The following GPR143 variants were observed in gnomAD, a reference collection of about 807,000 sequenced individuals.
The protein encoded by GPR143 is G protein-coupled receptor 143.
GPR143 carries 8 observed loss-of-function variants against 27.6 expected under a neutral mutation model. The ratio of observed to expected loss-of-function variants is 0.29; its 90% CI spans 0.17 to 0.52. GPR143 has a LOEUF of 0.52. GPR143 is among the 20% of genes least tolerant of loss of function. The pLI, the probability that GPR143 is intolerant of heterozygous loss-of-function variation, is 0.96. For synonymous variants in GPR143, 156 were observed against 153.2 expected, an observed-to-expected ratio of 1.02 and a Z score of -0.13; for missense variants, 303 against 343.1, an observed-to-expected ratio of 0.88 and a Z score of 0.92.
chrX:9,769,411 G>T (rs1447396737), upstream of GPR143, among the ~76,000 whole-genome samples: 1 of 111,318 alleles, frequency 9.0e-6, no homozygotes, highest in Non-Finnish European at 1.9e-5. Context: ...ATTTTTCATG[G>T]TGAGTCCCCT....
At chrX:9,752,935 C>T (rs1032508576) in intron 3 of GPR143, among the ~76,000 whole-genome samples, 3 of 110,945 alleles carry the variant, frequency 2.7e-5, no homozygotes, top group African/African-American at 9.8e-5. Context: ...GGGTGAGAGA[C>T]GACAGAGGGA....
chrX:9,764,504 G>GCA (rs201690882), intron 1 of GPR143, among the ~76,000 whole-genome samples: 2,182 of 99,040 alleles, frequency 0.022, 29 homozygotes, highest in African/African-American at 0.041. Flanking sequence ...TTACACACGC[G>GCA]CACACACACA....
At chrX:9,765,904 A>G, upstream of GPR143, 1 of 918,939 alleles carries the variant, frequency 1.1e-6, no homozygotes, top group South Asian at 3.8e-5. Context: ...GGGCGGCATC[A>G]TGTGCCCTGG....
At chrX:9,750,101 G>C (rs1275664107) in intron 3 of GPR143, among the ~76,000 whole-genome samples, 1 of 112,157 alleles carries the variant, frequency 8.9e-6, no homozygotes, top group Non-Finnish European at 1.9e-5. Context: ...CCATTCCATT[G>C]TATACATGGG....
intron 3 of GPR143, among the ~76,000 whole-genome samples, chrX:9,753,353 G>A (rs1170083259): frequency 8.2e-5 from 8 of 97,467 alleles, no homozygotes; most frequent in Non-Finnish European, 1.6e-4. Context: ...GCAAGACTCC[G>A]TCTCAAAAAA....
chrX:9,737,812 A>G (rs754130253), intron 8 of GPR143, among the ~76,000 whole-genome samples: 2 of 112,031 alleles, frequency 1.8e-5, no homozygotes, highest in African/African-American at 6.5e-5. Flanking sequence ...CCTGGGCAAC[A>G]TAATGGGACC....
chrX:9,725,579 C>T lies in GPR143; in HGVS notation c.*167G>A. ...ACACGTGTGTGCATGAACCCTTTCT[C>T]CTATCCTAAAGGCCCTTCGGGAAGA... is the stretch of plus-strand genomic sequence containing the variant. On this transcript the variant is annotated 3_prime_UTR_variant, in exon 9 of 9. Transcript: ENST00000467482. The T allele has an allele frequency of 2.2e-6, 1 of 452,957 alleles. No homozygotes were observed. The highest frequency in any genetic ancestry group is 2.4e-5 in the African/African-American group (1 of 41,597). 37.3% of individuals were successfully genotyped at this position (452,957 alleles called of 1,213,427 possible). A position where few individuals can be genotyped will look rare whatever the true frequency, so the allele number is the denominator to read the frequency against.
chrX:9,775,594 G>A (rs1425783214), intron 1 of GPR143, among the ~76,000 whole-genome samples: 1 of 111,912 alleles, frequency 8.9e-6, no homozygotes, highest in African/African-American at 3.3e-5. Flanking sequence ...TGGTGGAGCT[G>A]AGAATCAAAC....
rs2083403076 is a variant in GPR143 at position 9,741,325 on chromosome X, T to C, written c.885+13A>G. On this transcript the variant is annotated intron_variant, in intron 7 of 8. Coordinates refer to ENST00000467482, the MANE Select transcript of GPR143 (RefSeq NM_000273.3). Reference sequence around the variant, plus strand: ...ATAATTAACTAATTAAAATAAAATATAGATTGACCTACCATAATAAACCAT... The same window carrying C: ...ATAATTAACTAATTAAAATAAAATACAGATTGACCTACCATAATAAACCAT... The C allele has an allele frequency of 1.5e-6, 1 of 677,132 alleles. No homozygotes were observed. Among genetic ancestry groups the C allele is most frequent in the East Asian group, 3.5e-5 (1 of 28,925 alleles). The allele number at this position is 677,132 out of a possible 1,213,427, so 55.8% of individuals were successfully genotyped here.
chrX:9,769,701 G>A (rs1301501820), upstream of GPR143, among the ~76,000 whole-genome samples: 1 of 110,560 alleles, frequency 9.0e-6, no homozygotes, highest in Non-Finnish European at 1.9e-5. Flanking sequence ...CCTGCCTCAG[G>A]CTCCCAAGTA....
intron 5 of GPR143, among the ~76,000 whole-genome samples, chrX:9,745,556 G>A (rs1430912757): frequency 4.5e-5 from 5 of 111,765 alleles, no homozygotes; most frequent in South Asian, 7.5e-4. Context: ...TGTTGCCAAC[G>A]ACTTCATTAC....
chrX:9,733,580 G>A (rs1360819461), intron 8 of GPR143, among the ~76,000 whole-genome samples: 1 of 111,681 alleles, frequency 9.0e-6, no homozygotes, highest in Non-Finnish European at 1.9e-5. Flanking sequence ...TTGTGGGAAA[G>A]ATTGGGATTG....
intron 1 of GPR143, among the ~76,000 whole-genome samples, chrX:9,761,332 G>C (rs902611780): frequency 3.6e-5 from 4 of 112,411 alleles, no homozygotes; most frequent in Non-Finnish European, 5.6e-5. Context: ...GACCTCAAGT[G>C]ATCTGTCCGC....
rs185752365 is a variant in GPR143, at chrX:9,761,083, A to T, written c.251-257T>A. On this transcript the variant is annotated intron_variant, in intron 1 of 8. Transcript: ENST00000467482. ...GAAACTCATAAAATAACTTTTTTTT[A>T]TTTTTATTTTTTATTTATCTTTTTT... Among the ~76,000 whole-genome samples the T allele has an allele frequency of 6.8e-3, 751 of 110,942 alleles. 7 individuals carry two copies. The highest frequency in any genetic ancestry group is 0.016 in the East Asian group (58 of 3,544).
chrX:9,775,718 C>T (rs777538375), intron 1 of GPR143, among the ~76,000 whole-genome samples: 18 of 111,901 alleles, frequency 1.6e-4, no homozygotes, highest in African/African-American at 5.8e-4. Context: ...TCTCACCCCA[C>T]CCTCTTGAAG....
At chrX:9,766,022 G>T, upstream of GPR143, 2 of 303,342 alleles carry the variant, frequency 6.6e-6, no homozygotes, top group East Asian at 1.0e-4. Context: ...GCTTGGGCGG[G>T]CGGAGGAGGA....
intron 7 of GPR143, among the ~76,000 whole-genome samples, chrX:9,740,590 C>G (rs1251267106): frequency 1.8e-5 from 2 of 111,009 alleles, no homozygotes. Context: ...ATTGTTTCCC[C>G]GTTGAAAAAA....
chrX:9,765,479 C>A, intron 1 of GPR143, 89 bp downstream of exon 1: 1 of 890,173 alleles, frequency 1.1e-6, no homozygotes, highest in African/African-American at 2.1e-5. Flanking sequence ...CGCCCTTATC[C>A]GGGCACCAGT....
At chrX:9,750,395 A>G (rs1311718006) in intron 3 of GPR143, among the ~76,000 whole-genome samples, 1 of 106,141 alleles carries the variant, frequency 9.4e-6, no homozygotes, top group Non-Finnish European at 1.9e-5. Context: ...TTTTTTGTAG[A>G]GATGGGTCTT....
Sources: gnomAD v4.1 joint callset for allele counts (sites outside exome capture counted in the v4.1 genomes callset) on GRCh38, gnomAD v4.1.1 for gene constraint, MANE v1.5 for transcripts, NCBI Gene and HGNC (gene_info 2026-07-23, HGNC 2026-07-21) for gene names.